PUDP: variants seen among roughly 807,000 people sequenced by gnomAD.
PUDP encodes pseudouridine-5'-phosphatase.
A neutral mutation model predicts 9.4 loss-of-function variants in PUDP; 8 were observed. That is an observed-to-expected ratio of 0.85 (90% confidence interval 0.50 to 1.53). The LOEUF (loss-of-function observed/expected upper bound fraction) is 1.53, where lower values mean the gene tolerates loss of function less well. Among genes scored for constraint, PUDP ranks in the 40% most tolerant of loss-of-function variants. The pLI, the probability that PUDP is intolerant of heterozygous loss-of-function variation, is 0.00. For missense variants in PUDP, 188 were observed against 189.7 expected (o/e 0.99, Z 0.05); for synonymous variants, 99 against 80.7 (o/e 1.23, Z -1.22).
chrX:6,785,118 G>C, intron 3 of PUDP, among the ~76,000 whole-genome samples: 2 of 112,228 alleles, frequency 1.8e-5, no homozygotes, highest in Non-Finnish European at 3.8e-5. Flanking sequence ...AGAGACGCAC[G>C]TGATCACATT....
intron 3 of PUDP, among the ~76,000 whole-genome samples, chrX:6,769,021 C>T (rs994101844): frequency 2.7e-5 from 3 of 111,736 alleles, no homozygotes; most frequent in African/African-American, 3.3e-5. Flanking sequence ...ATAGAGAAGG[C>T]GCTCACTGGC....
At chrX:6,970,523 G>T (rs144286146) in intron 3 of PUDP, among the ~76,000 whole-genome samples, 1,248 of 111,265 alleles carry the variant, frequency 0.011, 7 homozygotes, top group Middle Eastern at 0.083. Flanking sequence ...GAATAGACTG[G>T]ACTCCTATTT....
At chrX:7,071,568 C>T (rs984956013) in intron 3 of PUDP, among the ~76,000 whole-genome samples, 6 of 111,082 alleles carry the variant, frequency 5.4e-5, no homozygotes, top group African/African-American at 2.0e-4. Flanking sequence ...TCTGTAAAAA[C>T]GCTGAGCATT....
At chrX:6,966,644 C>G in intron 3 of PUDP, among the ~76,000 whole-genome samples, 1 of 107,891 alleles carries the variant, frequency 9.3e-6, no homozygotes, top group East Asian at 2.9e-4. Flanking sequence ...AACTCCTGGG[C>G]TCAAGAGATC....
At chrX:6,939,376 T>C (rs1046216167) in intron 3 of PUDP, among the ~76,000 whole-genome samples, 11 of 106,879 alleles carry the variant, frequency 1.0e-4, no homozygotes, top group Non-Finnish European at 1.9e-4. Context: ...ATATTAATAT[T>C]ATTAATATAT....
At chrX:6,987,366 C>A (rs1389545682) in intron 1 of PUDP, among the ~76,000 whole-genome samples, 1 of 111,917 alleles carries the variant, frequency 8.9e-6, no homozygotes, top group East Asian at 2.8e-4. Context: ...GATAAGGAAA[C>A]CAGCTTAAGC....
chrX:7,034,869 A>C (rs1175005536), intron 1 of PUDP, among the ~76,000 whole-genome samples: 1 of 57,732 alleles, frequency 1.7e-5, no homozygotes, highest in Admixed American at 2.0e-4. Flanking sequence ...CATCCAACTG[A>C]GTTTTTCATA....
chrX:6,768,135 G>A lies in PUDP; in HGVS notation c.*248-61669C>T, dbSNP rs189010186. ...GAATTTTAGGTAGCTCTACCCAGCG[G>A]TTCTCAACCAGGGGCGATTTTGTTC... On this transcript the variant is annotated intron_variant and NMD_transcript_variant, in intron 3 of 3. Coordinates refer to the PUDP transcript ENST00000655425. Among the ~76,000 whole-genome samples the A allele has an allele frequency of 7.0e-4, 79 of 112,092 alleles. 1 individual carries two copies. The highest frequency in any genetic ancestry group is 5.6e-5 in the Non-Finnish European group (3 of 53,235).
chrX:7,083,578 G>C (rs1273926597), intron 2 of PUDP, among the ~76,000 whole-genome samples: 1 of 111,320 alleles, frequency 9.0e-6, no homozygotes, highest in Non-Finnish European at 1.9e-5. Flanking sequence ...GTGGTGGACA[G>C]ACGGCTGCTC....
intron 3 of PUDP, among the ~76,000 whole-genome samples, chrX:6,932,584 G>A (rs1329888462): frequency 4.5e-5 from 5 of 110,678 alleles, no homozygotes; most frequent in South Asian, 3.9e-4. Flanking sequence ...CTGAGGTACC[G>A]GGTTCATCTC....
At chrX:6,765,185 C>T (rs923547053) in intron 3 of PUDP, among the ~76,000 whole-genome samples, 2 of 110,600 alleles carry the variant, frequency 1.8e-5, no homozygotes, top group South Asian at 3.8e-4. Flanking sequence ...GAGGCTGAGG[C>T]GAGAGGATGG....
chrX:6,860,933 C>T (rs976177258), intron 3 of PUDP, among the ~76,000 whole-genome samples: 11 of 112,383 alleles, frequency 9.8e-5, no homozygotes, highest in African/African-American at 3.2e-4. Flanking sequence ...CAAAAACGTA[C>T]ATGACACTAT....
chrX:6,860,497 G>A (rs1479976354), intron 3 of PUDP, among the ~76,000 whole-genome samples: 2 of 103,984 alleles, frequency 1.9e-5, no homozygotes, highest in African/African-American at 6.9e-5. Flanking sequence ...TTGAGACAGA[G>A]TCTCACTCTG....
chrX:6,927,786 C>T (rs1044344316), intron 3 of PUDP, among the ~76,000 whole-genome samples: 1 of 111,146 alleles, frequency 9.0e-6, no homozygotes, highest in Admixed American at 9.6e-5. Context: ...GAAAGAATGG[C>T]GACTTGGATC....
intron 3 of PUDP, among the ~76,000 whole-genome samples, chrX:6,903,603 C>G (rs1051406857): frequency 8.1e-5 from 9 of 111,536 alleles, no homozygotes; most frequent in Admixed American, 6.7e-4. Context: ...GAATACTACG[C>G]AGCCAGAAAA....
intron 1 of PUDP, among the ~76,000 whole-genome samples, chrX:6,995,496 T>A (rs1387116957): frequency 9.0e-6 from 1 of 111,141 alleles, no homozygotes; most frequent in East Asian, 2.8e-4. Context: ...GACCAAGACA[T>A]GAAGATTGCT....
chrX:6,992,579 T>A (rs1297173547), intron 1 of PUDP, among the ~76,000 whole-genome samples: 2 of 109,948 alleles, frequency 1.8e-5, no homozygotes, highest in African/African-American at 6.6e-5. Flanking sequence ...GCCCAGGGTG[T>A]CTTAATATTG....
rs66799319 is a variant in PUDP at position 6,946,714 on chromosome X, T to TA, written c.*247+30418dup. ...AAAGACGTGAATCATATCTGAAATG[T>TA]AAAAAAAAATCACAAAGCAGCGATT... On this transcript the variant is annotated intron_variant and NMD_transcript_variant, in intron 3 of 3. Transcript: ENST00000655425. Among the ~76,000 whole-genome samples the TA allele has an allele frequency of 7.8e-3, 858 of 109,533 alleles. 1 individual carries two copies. Among genetic ancestry groups the TA allele is most frequent in the African/African-American group, 0.017 (513 of 30,233 alleles).
intron 1 of PUDP, among the ~76,000 whole-genome samples, chrX:7,135,544 G>A (rs1932721852): frequency 8.9e-6 from 1 of 111,887 alleles, no homozygotes; most frequent in Non-Finnish European, 1.9e-5. Flanking sequence ...AATACACATT[G>A]CAATGAATGC....
Sources: allele counts gnomAD v4.1 joint callset (sites outside exome capture counted in the v4.1 genomes callset), GRCh38; gene constraint gnomAD v4.1.1; transcripts MANE v1.5; gene names NCBI Gene and HGNC (gene_info 2026-07-23, HGNC 2026-07-21).